Variants in GPC5 observed in about 807,000 individuals in gnomAD.
The protein encoded by GPC5 is glypican-5.
Under a neutral mutation model 53.9 loss-of-function variants are expected in GPC5, and 47 were observed. That is an observed-to-expected ratio of 0.87 (90% CI 0.69 to 1.11). GPC5 has a LOEUF of 1.11. Ranked by LOEUF, GPC5 falls within the 50% of genes most tolerant of loss-of-function variation. The pLI is 0.00. For synonymous variants in GPC5, 286 were observed against 263.3 expected (o/e 1.09, Z -0.84); for missense variants, 748 against 713.1 (o/e 1.05, Z -0.56).
rs552672318 is a variant in GPC5 at position 92,524,447 on chromosome 13, A to G, written c.1562-341835A>G. 2.6e-5 allele frequency among the ~76,000 whole-genome samples: 4 copies of G among 152,206 alleles called. No homozygotes were observed. In the South Asian group the frequency reaches 8.3e-4, roughly 32 times the overall value. On this transcript the variant is annotated intron_variant, in intron 7 of 7. Transcript: ENST00000377067. ...TATCTATGTTCAGTACAGACAGAAT[A>G]TTTTTCCAAATATTTTCAGTATATG... is the stretch of plus-strand genomic sequence containing the variant.
chr13:92,064,554 G>A (rs892220473), intron 6 of GPC5, among the ~76,000 whole-genome samples: 1 of 151,990 alleles, frequency 6.6e-6, no homozygotes, highest in African/African-American at 2.4e-5. Context: ...GCAGGGTTTC[G>A]AGACCAGCCT....
intron 7 of GPC5, among the ~76,000 whole-genome samples, chr13:92,527,396 A>T (rs7983333): frequency 0.02 from 2,999 of 151,330 alleles, 147 homozygotes; most frequent in African/African-American, 0.07. Flanking sequence ...GTGGTATCAT[A>T]GAAGAGCAGA....
At chr13:92,224,890 A>C (rs2042473839) in intron 7 of GPC5, among the ~76,000 whole-genome samples, 1 of 152,056 alleles carries the variant, frequency 6.6e-6, no homozygotes. Context: ...TTTACTTTTT[A>C]GGTTTGTTGC....
chr13:91,756,590 C>A (rs922723466), intron 5 of GPC5, among the ~76,000 whole-genome samples, 170 bp downstream of exon 5: 5 of 152,032 alleles, frequency 3.3e-5, no homozygotes, highest in Admixed American at 2.0e-4. Flanking sequence ...AAACCTGATC[C>A]TTTTAGGTAT....
intron 7 of GPC5, among the ~76,000 whole-genome samples, chr13:92,663,407 G>C (rs1024237817): frequency 6.6e-6 from 1 of 151,578 alleles, no homozygotes; most frequent in African/African-American, 2.4e-5. Context: ...GATATTCTCT[G>C]AGTGTCGTAA....
At chr13:91,474,649 T>C (rs1461437133) in intron 2 of GPC5, among the ~76,000 whole-genome samples, 1 of 152,134 alleles carries the variant, frequency 6.6e-6, no homozygotes, top group African/African-American at 2.4e-5. Flanking sequence ...ATAGCAGTTC[T>C]AATCTTCTGT....
chr13:92,173,681 C>T (rs900516230), intron 7 of GPC5, among the ~76,000 whole-genome samples: 2 of 152,180 alleles, frequency 1.3e-5, no homozygotes, highest in African/African-American at 2.4e-5. Context: ...TTGTGTGCCA[C>T]GTCTCACATT....
intron 5 of GPC5, among the ~76,000 whole-genome samples, chr13:91,852,357 G>A (rs2038923699): frequency 6.6e-6 from 1 of 151,980 alleles, no homozygotes; most frequent in Non-Finnish European, 1.5e-5. Flanking sequence ...TTATTCCATT[G>A]AAAGGTCGTC....
In GPC5 at chr13:92,060,833, C is replaced by T. The variant is rs1270594174; in HGVS notation, c.1402-83997C>T. 3.3e-5 allele frequency among the ~76,000 whole-genome samples: 5 copies of T among 151,972 alleles called. No homozygotes were observed. The East Asian group carries it at 5.8e-4, about 18-fold the overall frequency. ...AAGAAAACAGAAAGAGATATCATTA[C>T]CTTAATACAGCCTAAGTTGTCACCA... On this transcript the variant is annotated intron_variant, in intron 6 of 7. Coordinates refer to ENST00000377067, the MANE Select transcript of GPC5 (RefSeq NM_004466.6).
At chr13:92,421,860 A>G (rs1273039497) in intron 7 of GPC5, among the ~76,000 whole-genome samples, 3 of 152,006 alleles carry the variant, frequency 2.0e-5, no homozygotes, top group African/African-American at 7.2e-5. Context: ...GGTGGTACAC[A>G]CTTTTAAACA....
chr13:92,364,450 G>C (rs2043591990), intron 7 of GPC5, among the ~76,000 whole-genome samples: 1 of 151,710 alleles, frequency 6.6e-6, no homozygotes, highest in Admixed American at 6.6e-5. Flanking sequence ...GGCATTTTTG[G>C]CCAGGCGCGG....
intron 6 of GPC5, among the ~76,000 whole-genome samples, chr13:91,925,860 C>T (rs1293627800): frequency 2.6e-5 from 4 of 152,000 alleles, no homozygotes; most frequent in East Asian, 1.9e-4. Flanking sequence ...GAAGACATTC[C>T]GATTTGAGAT....
intron 7 of GPC5, among the ~76,000 whole-genome samples, chr13:92,163,275 G>A (rs111522073): frequency 6.5e-5 from 9 of 137,576 alleles, no homozygotes; most frequent in Non-Finnish European, 1.0e-4. Flanking sequence ...TAGCCTGGCC[G>A]CATGGTGAAA....
intron 2 of GPC5, among the ~76,000 whole-genome samples, chr13:91,461,566 T>C (rs1007969223): frequency 6.6e-6 from 1 of 152,156 alleles, no homozygotes; most frequent in Admixed American, 6.5e-5. Context: ...TAGGCTACAA[T>C]TAATGAGGAT....
chr13:91,591,136 A>T (rs1381261551), intron 2 of GPC5, among the ~76,000 whole-genome samples: 1 of 152,210 alleles, frequency 6.6e-6, no homozygotes, highest in East Asian at 1.9e-4. Context: ...TTAAAGACAC[A>T]TGTTCTTTCG....
chr13:92,122,290 C>A (rs141255374), intron 6 of GPC5, among the ~76,000 whole-genome samples: 2 of 106,660 alleles, frequency 1.9e-5, no homozygotes, highest in African/African-American at 9.1e-5. Context: ...TTTTTTTTAA[C>A]TTTTTTTTTA....
intron 3 of GPC5, among the ~76,000 whole-genome samples, chr13:91,700,654 GT>G (rs2139852997): frequency 6.6e-6 from 1 of 152,260 alleles, no homozygotes; most frequent in South Asian, 2.1e-4. Context: ...TTGCCTTTAA[GT>G]ATTTGAAGGC....
intron 7 of GPC5, chr13:92,509,370 G>T (rs1280845098): frequency 6.6e-6 from 1 of 151,976 alleles, no homozygotes; most frequent in African/African-American, 2.4e-5. Context: ...CCCCCAAAAG[G>T]TTCTCTCTGC....
chr13:92,307,832 A>G (rs1433013107), intron 7 of GPC5, among the ~76,000 whole-genome samples: 1 of 152,260 alleles, frequency 6.6e-6, no homozygotes, highest in Non-Finnish European at 1.5e-5. Context: ...AGATGTGACT[A>G]TAAGGCAGTA....
Sources: gnomAD v4.1 joint callset for allele counts (sites outside exome capture counted in the v4.1 genomes callset) on GRCh38, gnomAD v4.1.1 for gene constraint, MANE v1.5 for transcripts, NCBI Gene and HGNC (gene_info 2026-07-23, HGNC 2026-07-21) for gene names.